The following CUL5 variants were observed in gnomAD, a reference collection of about 807,000 sequenced individuals.
CUL5 encodes the protein cullin 5.
CUL5 carries 26 observed loss-of-function variants against 108.8 expected under a neutral mutation model. The observed-to-expected ratio is 0.24, with a 90% CI of 0.18 to 0.33. The LOEUF (loss-of-function observed/expected upper bound fraction) is 0.33. Among genes scored for constraint, CUL5 ranks in the 10% least tolerant of loss-of-function variants. The pLI is 1.00. For synonymous variants in CUL5, 334 were observed against 298.0 expected (o/e 1.12, Z -1.25); for missense variants, 524 against 909.2 (o/e 0.58, Z 5.45).
At chr11:108,013,385 A>G (rs1475529726) in intron 1 of CUL5, among the ~76,000 whole-genome samples, 2 of 152,310 alleles carry the variant, frequency 1.3e-5, no homozygotes, top group Non-Finnish European at 2.9e-5. Flanking sequence ...AGTTCTCACC[A>G]TATCACTTTC....
intron 1 of CUL5, among the ~76,000 whole-genome samples, chr11:108,028,596 T>C (rs1053070490): frequency 6.6e-6 from 1 of 152,116 alleles, no homozygotes; most frequent in Non-Finnish European, 1.5e-5. Context: ...CACAGCACTT[T>C]CGGAGGCCGA....
At chr11:108,033,636 C>T (rs1243268082) in intron 1 of CUL5, among the ~76,000 whole-genome samples, 166 bp from the exon 2 acceptor site, 1 of 152,196 alleles carries the variant, frequency 6.6e-6, no homozygotes, top group African/African-American at 2.4e-5. Flanking sequence ...GATTGTCTTC[C>T]TGTGATTCCT....
Position 108,089,635 on chromosome 11 carries a change from T to G in CUL5, c.1443+12T>G. 6.9e-7 allele frequency: 1 copy of G among 1,458,420 alleles called. No individual in the cohort carries two copies. The highest frequency in any genetic ancestry group is 9.1e-7 in the Non-Finnish European group (1 of 1,098,606). The allele number at this position is 1,458,420 out of a possible 1,614,324, so 90.3% of individuals were successfully genotyped here. On this transcript the variant is annotated intron_variant, in intron 13 of 18. Transcript: ENST00000393094. ...TAGAGTGGCTAAGAGTAAGTAAATT[T>G]TTTTAAATATTTGGTTTTCTAATAC...
At chr11:108,029,968 A>G (rs989003167) in intron 1 of CUL5, among the ~76,000 whole-genome samples, 3 of 152,260 alleles carry the variant, frequency 2.0e-5, no homozygotes, top group African/African-American at 4.8e-5. Context: ...ATTAGAAAGT[A>G]TCCTCTTGTT....
At chr11:108,018,504 TAA>T (rs34130141) in intron 1 of CUL5, among the ~76,000 whole-genome samples, 2 of 141,098 alleles carry the variant, frequency 1.4e-5, no homozygotes. Flanking sequence ...CCATCTCTAC[TAA>T]AAAAAAAAAA....
intron 4 of CUL5, among the ~76,000 whole-genome samples, chr11:108,050,303 ACTTTTC>A (rs1863180142): frequency 1.3e-5 from 2 of 148,756 alleles, no homozygotes; most frequent in African/African-American, 4.9e-5. Context: ...TATCTCCTTT[ACTTTTC>A]CTTTTTACTT....
chr11:108,033,241 A>G (rs1862641293), intron 1 of CUL5, among the ~76,000 whole-genome samples: 2 of 152,188 alleles, frequency 1.3e-5, no homozygotes, highest in South Asian at 4.1e-4. Flanking sequence ...GAGTACCATC[A>G]AATAGGGAAG....
chr11:108,064,931 A>G (rs1032284730), intron 7 of CUL5, among the ~76,000 whole-genome samples: 20 of 152,214 alleles, frequency 1.3e-4, no homozygotes, highest in African/African-American at 3.6e-4. Flanking sequence ...TATTAGTTCT[A>G]CTTGAAATAT....
At chr11:108,066,964 C>T (rs1022797741) in intron 7 of CUL5, among the ~76,000 whole-genome samples, 3 of 152,174 alleles carry the variant, frequency 2.0e-5, no homozygotes, top group Admixed American at 6.6e-5. Context: ...CCTTAAAACA[C>T]GTAACTCAGT....
At chr11:108,049,658 G>A (rs1410135804) in intron 3 of CUL5, among the ~76,000 whole-genome samples, 4 of 152,000 alleles carry the variant, frequency 2.6e-5, no homozygotes, top group Non-Finnish European at 2.9e-5. Context: ...TTGTTTATCC[G>A]TATTTCAGCT....
intron 17 of CUL5, 77 bp from the exon 18 acceptor site, chr11:108,098,329 C>A: frequency 1.6e-6 from 2 of 1,289,312 alleles, no homozygotes; most frequent in Non-Finnish European, 2.1e-6. Context: ...TAAATCTTTT[C>A]TCTCAGACAT....
chr11:108,013,195 T>G, intron 1 of CUL5, among the ~76,000 whole-genome samples: 1 of 152,158 alleles, frequency 6.6e-6, no homozygotes, highest in Admixed American at 6.5e-5. Context: ...TGGTCTTCTC[T>G]CTCTCAAATC....
chr11:108,015,598 A>G (rs1167843711), intron 1 of CUL5, among the ~76,000 whole-genome samples: 1 of 152,188 alleles, frequency 6.6e-6, no homozygotes, highest in Non-Finnish European at 1.5e-5. Flanking sequence ...TGCATTCGAC[A>G]CAGCCTAGGG....
chr11:108,088,689 A>T (rs749617853), intron 12 of CUL5, 30 bp downstream of exon 12: 2 of 1,534,310 alleles, frequency 1.3e-6, no homozygotes, highest in South Asian at 2.4e-5. Context: ...TTCAACTTTT[A>T]AAATTACCTT....
At chr11:108,059,758 C>A (rs1213699692) in intron 7 of CUL5, among the ~76,000 whole-genome samples, 5 of 151,848 alleles carry the variant, frequency 3.3e-5, no homozygotes, top group Non-Finnish European at 5.9e-5. Flanking sequence ...GTGGCACGCA[C>A]CTGTAATCTC....
At chr11:108,024,476 GT>G in intron 1 of CUL5, among the ~76,000 whole-genome samples, 1 of 152,284 alleles carries the variant, frequency 6.6e-6, no homozygotes, top group South Asian at 2.1e-4. Context: ...ACATAGGATA[GT>G]TGTGAAGATT....
At chr11:108,077,969 A>C (rs975586195) in intron 10 of CUL5, among the ~76,000 whole-genome samples, 4 of 152,108 alleles carry the variant, frequency 2.6e-5, no homozygotes, top group African/African-American at 9.7e-5. Context: ...AACCAAACCA[A>C]CAACAACAAA....
intron 1 of CUL5, among the ~76,000 whole-genome samples, chr11:108,023,447 A>G (rs891779615): frequency 1.3e-5 from 2 of 152,106 alleles, no homozygotes; most frequent in Non-Finnish European, 2.9e-5. Flanking sequence ...ATTTTGTTAG[A>G]TTTTTAAAAA....
At chr11:108,022,468 A>G (rs1156583746) in intron 1 of CUL5, among the ~76,000 whole-genome samples, 2 of 152,144 alleles carry the variant, frequency 1.3e-5, no homozygotes, top group African/African-American at 2.4e-5. Context: ...TGTTACAGAT[A>G]CGCTAATTGC....
Sources: gnomAD v4.1 joint callset for allele counts (sites outside exome capture counted in the v4.1 genomes callset) on GRCh38, gnomAD v4.1.1 for gene constraint, MANE v1.5 for transcripts, NCBI Gene and HGNC (gene_info 2026-07-23, HGNC 2026-07-21) for gene names.